Variants in KCTD8 observed in about 807,000 individuals in gnomAD.
KCTD8 encodes the protein BTB/POZ domain-containing protein KCTD8.
Under a neutral mutation model 31.5 loss-of-function variants are expected in KCTD8, and 27 were observed. The ratio of observed to expected loss-of-function variants is 0.86; its 90% confidence interval spans 0.63 to 1.18. The LOEUF (loss-of-function observed/expected upper bound fraction) is 1.18, where lower values mean the gene tolerates loss of function less well. KCTD8 is among the 50% of genes most tolerant of loss of function. The pLI is 0.00. For synonymous variants in KCTD8, 290 were observed against 280.0 expected (o/e 1.04, Z -0.36); for missense variants, 658 against 647.7 (o/e 1.02, Z -0.17).
chr4:44,354,446 C>G (rs1560434098), intron 1 of KCTD8, among the ~76,000 whole-genome samples: 1 of 152,096 alleles, frequency 6.6e-6, no homozygotes, highest in Non-Finnish European at 1.5e-5. Flanking sequence ...CTAAAACAAC[C>G]TTCATTTTCA....
chr4:44,380,723 G>A (rs1037822934), intron 1 of KCTD8, among the ~76,000 whole-genome samples: 31 of 151,974 alleles, frequency 2.0e-4, no homozygotes, highest in African/African-American at 7.2e-4. Context: ...TATTTAGGGT[G>A]TACATCAATT....
At chr4:44,408,025 C>G (rs895139083) in intron 1 of KCTD8, among the ~76,000 whole-genome samples, 2 of 152,106 alleles carry the variant, frequency 1.3e-5, no homozygotes, top group Non-Finnish European at 2.9e-5. Context: ...GTTACCCTTC[C>G]TGTCATCAAA....
In KCTD8 at chr4:44,416,704, T is replaced by C. The variant is rs375058322; in HGVS notation, c.961+30859A>G. Among the ~76,000 whole-genome samples the C allele has an allele frequency of 7.9e-5, 12 of 152,306 alleles. No homozygotes were observed. In the East Asian group the frequency reaches 2.1e-3, roughly 27 times the overall value. Reference sequence around the variant, plus strand: ...GCTCCTCCTTCACCTTCTGCCATGATTGGAAGCTTTCTGAGGCCCTCACCA... The same window carrying C: ...GCTCCTCCTTCACCTTCTGCCATGACTGGAAGCTTTCTGAGGCCCTCACCA... On this transcript the variant is annotated intron_variant, in intron 1 of 1. Transcript: ENST00000360029.
At chr4:44,447,494 G>C (rs1721971595) in intron 1 of KCTD8, 69 bp downstream of exon 1, 3 of 1,445,972 alleles carry the variant, frequency 2.1e-6, no homozygotes, top group Non-Finnish European at 1.8e-6. Flanking sequence ...GGCCTCCAGC[G>C]GGGCTCAAAC....
chr4:44,205,162 C>G (rs994315419), intron 1 of KCTD8, among the ~76,000 whole-genome samples: 1 of 152,060 alleles, frequency 6.6e-6, no homozygotes, highest in East Asian at 1.9e-4. Flanking sequence ...TGTAACTTGA[C>G]AAACTGATCC....
chr4:44,334,238 T>C (rs1427074925), intron 1 of KCTD8, among the ~76,000 whole-genome samples: 2 of 152,084 alleles, frequency 1.3e-5, no homozygotes, highest in African/African-American at 4.8e-5. Context: ...GTTACTATGA[T>C]ACAGCAAAGA....
intron 1 of KCTD8, among the ~76,000 whole-genome samples, chr4:44,425,033 C>T (rs768385138): frequency 3.3e-5 from 5 of 151,868 alleles, no homozygotes; most frequent in African/African-American, 1.2e-4. Context: ...GACACAGATA[C>T]ACTGAGGAAA....
At chr4:44,384,057 A>G (rs893507836) in intron 1 of KCTD8, among the ~76,000 whole-genome samples, 1 of 152,016 alleles carries the variant, frequency 6.6e-6, no homozygotes, top group Admixed American at 6.6e-5. Flanking sequence ...AGTATATTTA[A>G]AAAATGCTCA....
chr4:44,395,008 C>G (rs1720462432), intron 1 of KCTD8, among the ~76,000 whole-genome samples: 1 of 151,968 alleles, frequency 6.6e-6, no homozygotes, highest in South Asian at 2.1e-4. Context: ...GTTGTGTTTA[C>G]AGCAAGGAGA....
In KCTD8 at chr4:44,306,816, G is replaced by C. The variant is rs73193249; in HGVS notation, c.962-131566C>G. 2.3e-3 allele frequency among the ~76,000 whole-genome samples: 348 copies of C among 152,068 alleles called. 2 individuals carry two copies. Among genetic ancestry groups the C allele is most frequent in the African/African-American group, 7.5e-3 (311 of 41,514 alleles). ...TGGCCTTCTATTAGTAAAGAACACA[G>C]ATTTTAATAGGCAACTAGTTCCCTT... On this transcript the variant is annotated intron_variant, in intron 1 of 1. Coordinates refer to ENST00000360029, the MANE Select transcript of KCTD8 (RefSeq NM_198353.3).
Position 44,174,248 on chromosome 4 carries a change from T to G in KCTD8, c.*542A>C, listed in dbSNP as rs374685371. 1.0e-4 allele frequency: 16 copies of G among 152,722 alleles called. No homozygotes were observed. Among genetic ancestry groups the G allele is most frequent in the Admixed American group, 4.6e-4 (7 of 15,290 alleles). The allele number at this position is 152,722 out of a possible 1,614,324, so 9.5% of individuals were successfully genotyped here. ...TTTTTTTTGCTTTTTTTTGTAATTTTTTTCTTTCCAAGCAACAAACAGATC... is the reference window on the plus strand; with the variant it reads ...TTTTTTTTGCTTTTTTTTGTAATTTGTTTCTTTCCAAGCAACAAACAGATC... On this transcript the variant is annotated 3_prime_UTR_variant, in exon 2 of 2. Transcript: ENST00000360029.
At chr4:44,370,744 T>C (rs561840589) in intron 1 of KCTD8, among the ~76,000 whole-genome samples, 1 of 152,170 alleles carries the variant, frequency 6.6e-6, no homozygotes, top group Non-Finnish European at 1.5e-5. Flanking sequence ...TGAGTTACAC[T>C]GCTAAGTCTA....
chr4:44,180,318 C>A (rs1256743109), intron 1 of KCTD8, among the ~76,000 whole-genome samples: 2 of 151,826 alleles, frequency 1.3e-5, no homozygotes, highest in Non-Finnish European at 2.9e-5. Context: ...CTCATATTAA[C>A]CTAAGATTTA....
intron 1 of KCTD8, among the ~76,000 whole-genome samples, chr4:44,194,730 C>G (rs977361760): frequency 4.8e-5 from 7 of 145,944 alleles, no homozygotes; most frequent in African/African-American, 1.8e-4. Context: ...ATGAAAAATT[C>G]AAATATTTTC....
chr4:44,432,133 T>C (rs1222665554), intron 1 of KCTD8, among the ~76,000 whole-genome samples: 3 of 151,416 alleles, frequency 2.0e-5, no homozygotes, highest in South Asian at 2.1e-4. Flanking sequence ...CAATCTACTA[T>C]ATAGAAATAG....
chr4:44,434,942 A>G (rs1721606320), intron 1 of KCTD8, among the ~76,000 whole-genome samples: 1 of 151,902 alleles, frequency 6.6e-6, no homozygotes, highest in African/African-American at 2.4e-5. Flanking sequence ...TACAGGCATT[A>G]TCACTGTCCA....
At chr4:44,402,223 T>C (rs2109457574) in intron 1 of KCTD8, among the ~76,000 whole-genome samples, 1 of 152,284 alleles carries the variant, frequency 6.6e-6, no homozygotes, top group South Asian at 2.1e-4. Context: ...TTAATTTGAC[T>C]ATTAATTTTG....
intron 1 of KCTD8, among the ~76,000 whole-genome samples, chr4:44,382,531 A>G (rs539443641): frequency 6.6e-6 from 1 of 152,146 alleles, no homozygotes; most frequent in East Asian, 1.9e-4. Flanking sequence ...GTTCAAGACC[A>G]TCTTGGCCAA....
At chr4:44,315,689 T>C (rs896254216) in intron 1 of KCTD8, among the ~76,000 whole-genome samples, 1 of 152,026 alleles carries the variant, frequency 6.6e-6, no homozygotes, top group East Asian at 1.9e-4. Context: ...TGAAAAAGTG[T>C]ATAATTTACC....
Sources: gnomAD v4.1 joint callset for allele counts (sites outside exome capture counted in the v4.1 genomes callset) on GRCh38, gnomAD v4.1.1 for gene constraint, MANE v1.5 for transcripts, NCBI Gene and HGNC (gene_info 2026-07-23, HGNC 2026-07-21) for gene names.